LY75: variants seen among roughly 807,000 people sequenced by gnomAD.
The protein encoded by LY75 is C-type lectin domain family 13 member B.
In LY75, 185 loss-of-function variants were observed where a neutral mutation model predicts 231.7. The ratio of observed to expected loss-of-function variants is 0.80; its 90% CI spans 0.71 to 0.90. The LOEUF is 0.90. Ranked by LOEUF, LY75 falls within the 40% of genes least tolerant of loss-of-function variation. LY75 has a pLI of 0.00. For synonymous variants in LY75, 668 were observed against 689.0 expected (o/e 0.97, Z 0.48); for missense variants, 1,947 against 2,050.2 (o/e 0.95, Z 0.97).
At chr2:159,904,565 C>A in intron 1 of LY75, 24 bp downstream of exon 1, 5 of 1,503,332 alleles carry the variant, frequency 3.3e-6, no homozygotes, top group Non-Finnish European at 3.5e-6. Context: ...CAGCGGACTG[C>A]GGGGCTGGCG....
chr2:159,813,013 G>GC (rs1293506514), intron 31 of LY75, among the ~76,000 whole-genome samples: 3 of 152,286 alleles, frequency 2.0e-5, no homozygotes, highest in Admixed American at 6.5e-5. Context: ...CTGTGTTGCA[G>GC]CATGCATCAG....
At chr2:159,900,828 C>A (rs1397859231) in intron 1 of LY75, among the ~76,000 whole-genome samples, 2 of 152,170 alleles carry the variant, frequency 1.3e-5, no homozygotes, top group Non-Finnish European at 2.9e-5. Flanking sequence ...TTTGCCATAG[C>A]AGCTTTCATC....
At chr2:159,887,211 T>TCACACACACA (rs370794967) in intron 4 of LY75, among the ~76,000 whole-genome samples, 8,269 of 129,828 alleles carry the variant, frequency 0.064, 364 homozygotes, top group Admixed American at 0.088. Flanking sequence ...AGAGTGAGAG[T>TCACACACACA]CACACACACA....
chr2:159,892,125 C>G (rs1267765197), intron 3 of LY75, among the ~76,000 whole-genome samples: 1 of 152,192 alleles, frequency 6.6e-6, no homozygotes, highest in African/African-American at 2.4e-5. Flanking sequence ...CAAAAATCTA[C>G]TGAATCAGAA....
In LY75 at chr2:159,839,235, C is replaced by A. The variant is rs1168456624; in HGVS notation, c.3507+1494G>T. 3.3e-5 allele frequency among the ~76,000 whole-genome samples: 5 copies of A among 152,186 alleles called. No individual in the cohort carries two copies. In the South Asian group the frequency reaches 1.0e-3, roughly 32 times the overall value. Reference sequence around the variant, plus strand: ...TTCAGTTCAATTCTGAGTCTTCAATCGCATTTTTTCCATGCATCCCTAGAC... The same window carrying A: ...TTCAGTTCAATTCTGAGTCTTCAATAGCATTTTTTCCATGCATCCCTAGAC... On this transcript the variant is annotated intron_variant, in intron 25 of 34. Coordinates refer to ENST00000263636, the MANE Select transcript of LY75 (RefSeq NM_002349.4).
intron 13 of LY75, among the ~76,000 whole-genome samples, chr2:159,867,059 A>G (rs528265176): frequency 6.6e-6 from 1 of 152,150 alleles, no homozygotes; most frequent in Non-Finnish European, 1.5e-5. Flanking sequence ...CTCAGAGGAC[A>G]GCTTCCTACA....
intron 23 of LY75, among the ~76,000 whole-genome samples, chr2:159,843,492 T>A (rs1208629984): frequency 5.2e-5 from 1 of 19,302 alleles, no homozygotes; most frequent in Admixed American, 4.2e-4. Context: ...TAATGGCCAT[T>A]TTTTTTTTTT....
At chr2:159,873,074 AG>A (rs1211927634) in intron 12 of LY75, among the ~76,000 whole-genome samples, 1 of 152,190 alleles carries the variant, frequency 6.6e-6, no homozygotes, top group Non-Finnish European at 1.5e-5. Context: ...GAATATTGAC[AG>A]AAAGTGGCAA....
At chr2:159,892,834 G>A (rs1021611854) in intron 3 of LY75, among the ~76,000 whole-genome samples, 3 of 152,084 alleles carry the variant, frequency 2.0e-5, no homozygotes, top group Admixed American at 1.3e-4. Context: ...AAAAAGTAAC[G>A]AGAAAAAGCA....
intron 1 of LY75, among the ~76,000 whole-genome samples, 187 bp from the exon 2 acceptor site, chr2:159,899,246 A>G (rs1686000707): frequency 6.6e-6 from 1 of 152,200 alleles, no homozygotes; most frequent in Admixed American, 6.5e-5. Flanking sequence ...GTGTAGGGTC[A>G]GAACACGGGC....
intron 28 of LY75, among the ~76,000 whole-genome samples, chr2:159,830,592 T>TC (rs1683620921): frequency 6.7e-6 from 1 of 149,566 alleles, no homozygotes; most frequent in Admixed American, 6.7e-5. Context: ...TCTATTCTTT[T>TC]TTTTTTTTTT....
At chr2:159,867,619 T>C (rs565343081) in intron 13 of LY75, among the ~76,000 whole-genome samples, 1 of 152,306 alleles carries the variant, frequency 6.6e-6, no homozygotes, top group African/African-American at 2.4e-5. Context: ...CCTGCTGCAT[T>C]TGGTTGCTAA....
At chr2:159,844,431 T>A (rs1026141666) in intron 23 of LY75, among the ~76,000 whole-genome samples, 13 of 151,788 alleles carry the variant, frequency 8.6e-5, no homozygotes, top group African/African-American at 3.1e-4. Context: ...AAGCTAGTTA[T>A]AGAATGCTAT....
chr2:159,812,639 C>G (rs1682995648), intron 31 of LY75, among the ~76,000 whole-genome samples: 2 of 152,218 alleles, frequency 1.3e-5, no homozygotes, highest in Admixed American at 6.5e-5. Context: ...TCTTGAACTC[C>G]TGGGCTCAAG....
chr2:159,870,674 C>CTT (rs34789684), intron 13 of LY75, among the ~76,000 whole-genome samples: 3,885 of 141,604 alleles, frequency 0.027, 249 homozygotes, highest in East Asian at 0.25. Flanking sequence ...CCAGCTAATT[C>CTT]TTTTTTTTTT....
At position 159,834,155 on chromosome 2, in the gene LY75, G is replaced by C; in HGVS notation, c.3730C>G (p.Leu1244Val). 1 of 1,614,022 alleles carries C rather than the reference G, an allele frequency of 6.2e-7. No individual in the cohort carries two copies. Among genetic ancestry groups the C allele is most frequent in the Non-Finnish European group, 8.5e-7 (1 of 1,179,946 alleles). Residue 1244 changes from leucine to valine, a missense_variant, in exon 27 of 35, where the codon CTA becomes GTA. Transcript: ENST00000263636. ...VDSVKCPSPV[L>V]NTPWIPFQNC... Reference sequence around the variant, plus strand: ...TGAAATGGTATCCACGGAGTATTTAGAACAGGAGATGGACATTTAACACTG... The same window carrying C: ...TGAAATGGTATCCACGGAGTATTTACAACAGGAGATGGACATTTAACACTG...
chr2:159,883,551 A>C (rs1685501439), intron 6 of LY75, among the ~76,000 whole-genome samples: 1 of 152,164 alleles, frequency 6.6e-6, no homozygotes, highest in Non-Finnish European at 1.5e-5. Context: ...ATAAGTAGGC[A>C]TATCATTTGG....
chr2:159,851,917 T>C (rs1684412234), intron 21 of LY75, among the ~76,000 whole-genome samples: 1 of 152,224 alleles, frequency 6.6e-6, no homozygotes, highest in Admixed American at 6.5e-5. Context: ...GTCCTGACTA[T>C]TCAATGCATC....
intron 22 of LY75, 30 bp from the exon 23 acceptor site, chr2:159,850,170 T>TG: frequency 6.3e-7 from 1 of 1,582,284 alleles, no homozygotes; most frequent in Non-Finnish European, 8.6e-7. Context: ...AAAAAGCATT[T>TG]GATTTATTCA....
Sources: allele counts gnomAD v4.1 joint callset (sites outside exome capture counted in the v4.1 genomes callset), GRCh38; gene constraint gnomAD v4.1.1; transcripts MANE v1.5; gene names NCBI Gene and HGNC (gene_info 2026-07-23, HGNC 2026-07-21).